The following GPR180 variants were observed in gnomAD, a reference collection of about 807,000 sequenced individuals.
The protein encoded by GPR180 is G protein-coupled receptor 180.
A neutral mutation model predicts 52.6 loss-of-function variants in GPR180; 53 were observed. That is an observed-to-expected ratio of 1.01 (90% CI 0.81 to 1.27). GPR180 has a LOEUF of 1.27. Ranked by LOEUF, GPR180 falls within the 50% of genes most tolerant of loss-of-function variation. The pLI is 0.00. For missense variants in GPR180, 533 were observed against 527.0 expected (o/e 1.01, Z -0.11); for synonymous variants, 200 against 193.1 (o/e 1.04, Z -0.30).
intron 2 of GPR180, among the ~76,000 whole-genome samples, chr13:94,606,755 A>G (rs1889637911): frequency 6.6e-6 from 1 of 152,250 alleles, no homozygotes; most frequent in Admixed American, 6.5e-5. Context: ...TGAAAAGAGC[A>G]GAGGTCCCCA....
chr13:94,616,992 T>C (rs184822496), intron 3 of GPR180, among the ~76,000 whole-genome samples: 8 of 152,328 alleles, frequency 5.3e-5, no homozygotes, highest in Non-Finnish European at 5.9e-5. Flanking sequence ...TAATATGTTA[T>C]GTCAATGAAA....
At position 94,634,626 on chromosome 13, in the gene GPR180, T is replaced by G. The variant is rs1890041070; in HGVS notation, c.*7455T>G. ...AATTCTTCTAACAGTTGTAATAAAT[T>G]TCTGGTTGGCTCTCTTGTGTTTTCT... On this transcript the variant is annotated 3_prime_UTR_variant, in exon 9 of 9. Transcript: ENST00000376958. 1.3e-5 allele frequency: 2 copies of G among 152,294 alleles called. No homozygotes were observed. Among genetic ancestry groups the G allele is most frequent in the Admixed American group, 1.3e-4 (2 of 15,296 alleles). 9.4% of individuals were successfully genotyped at this position (152,294 alleles called of 1,614,324 possible). A position where few individuals can be genotyped will look rare whatever the true frequency, so the allele number is the denominator to read the frequency against.
intron 2 of GPR180, among the ~76,000 whole-genome samples, chr13:94,607,230 C>G (rs547431920): frequency 3.7e-4 from 56 of 150,868 alleles, no homozygotes; most frequent in Middle Eastern, 7.0e-3. Context: ...TTTGCTATTT[C>G]GACAGTCTCC....
At chr13:94,618,419 G>GGTTTTTTTT (rs1566980109) in intron 3 of GPR180, among the ~76,000 whole-genome samples, 1 of 72,978 alleles carries the variant, frequency 1.4e-5, no homozygotes, top group African/African-American at 1.2e-4. Flanking sequence ...ATCAGCACAG[G>GGTTTTTTTT]ATTTTTTTTT....
chr13:94,625,443 AAG>A (rs1205744541), intron 7 of GPR180, among the ~76,000 whole-genome samples: 1 of 152,182 alleles, frequency 6.6e-6, no homozygotes, highest in African/African-American at 2.4e-5. Context: ...AATTTTGGAA[AAG>A]AGAATACATT....
chr13:94,621,476 C>A (rs1889850424), intron 6 of GPR180, among the ~76,000 whole-genome samples: 1 of 151,984 alleles, frequency 6.6e-6, no homozygotes, highest in Non-Finnish European at 1.5e-5. Context: ...TTATAATTTA[C>A]CTGAATTTGA....
chr13:94,627,313 A>C lies in GPR180; in HGVS notation c.*142A>C. 9.3e-6 allele frequency: 6 copies of C among 646,406 alleles called. No homozygotes were observed. The highest frequency in any genetic ancestry group is 1.6e-5 in the Non-Finnish European group (6 of 379,508). 40.0% of individuals were successfully genotyped at this position (646,406 alleles called of 1,614,324 possible). A position where few individuals can be genotyped will look rare whatever the true frequency, so the allele number is the denominator to read the frequency against. ...CATGTTATTTATATAACTGCATTTA[A>C]GCAGTACCAAGACTGAAAAAAAAGG... On this transcript the variant is annotated 3_prime_UTR_variant, in exon 9 of 9. Coordinates refer to ENST00000376958, the MANE Select transcript of GPR180 (RefSeq NM_180989.6).
At chr13:94,604,443 C>T (rs1594470032) in intron 1 of GPR180, among the ~76,000 whole-genome samples, 1 of 151,776 alleles carries the variant, frequency 6.6e-6, no homozygotes, top group East Asian at 1.9e-4. Context: ...GGTGTGGAGG[C>T]GCATGCCTGT....
chr13:94,622,444 T>C (rs1594478291), intron 6 of GPR180, among the ~76,000 whole-genome samples: 1 of 152,330 alleles, frequency 6.6e-6, no homozygotes, highest in Non-Finnish European at 1.5e-5. Flanking sequence ...ATAGCTCTGA[T>C]CTTCAACAAG....
At chr13:94,613,254 G>C (rs561795767) in intron 3 of GPR180, among the ~76,000 whole-genome samples, 1 of 152,264 alleles carries the variant, frequency 6.6e-6, no homozygotes, top group East Asian at 1.9e-4. Context: ...AGAGTGGGGT[G>C]GGTGGAGGTG....
chr13:94,628,140 C>A lies in GPR180; in HGVS notation c.*969C>A, dbSNP rs1458143224. ...AAATTTTCTATGAATAATTGAAAAACAAAACACTCACTGGATTTGTTATAA... is the reference window on the plus strand; with the variant it reads ...AAATTTTCTATGAATAATTGAAAAAAAAAACACTCACTGGATTTGTTATAA... On this transcript the variant is annotated 3_prime_UTR_variant, in exon 9 of 9. Coordinates refer to ENST00000376958, the MANE Select transcript of GPR180 (RefSeq NM_180989.6). 1 of 152,472 alleles carries A rather than the reference C, an allele frequency of 6.6e-6. No individual in the cohort carries two copies. Among genetic ancestry groups the A allele is most frequent in the Non-Finnish European group, 1.5e-5 (1 of 67,912 alleles). 9.4% of individuals were successfully genotyped at this position (152,472 alleles called of 1,614,324 possible).
intron 8 of GPR180, 87 bp downstream of exon 8, chr13:94,626,130 T>TA: frequency 2.4e-6 from 2 of 818,994 alleles, no homozygotes; most frequent in Non-Finnish European, 3.9e-6. Context: ...GACCTATTTA[T>TA]TTTTTAAGAC....
chr13:94,620,953 C>T, intron 5 of GPR180, 125 bp from the exon 6 acceptor site: 8 of 779,048 alleles, frequency 1.0e-5, no homozygotes, highest in Admixed American at 3.3e-5. Context: ...ATTTCGTTAG[C>T]TTCTCTTTGA....
intron 5 of GPR180, among the ~76,000 whole-genome samples, chr13:94,620,766 T>C (rs1436358058): frequency 1.3e-5 from 2 of 152,146 alleles, no homozygotes; most frequent in African/African-American, 4.8e-5. Context: ...TTAGAAAAGC[T>C]AAGAAAAATG....
intron 6 of GPR180, among the ~76,000 whole-genome samples, chr13:94,622,682 TC>T: frequency 6.6e-6 from 1 of 152,328 alleles, no homozygotes; most frequent in South Asian, 2.1e-4. Flanking sequence ...CAAGTGATTC[TC>T]CTACCTCAGC....
At position 94,633,155 on chromosome 13, in the gene GPR180, G is replaced by C. The variant is rs1392952541; in HGVS notation, c.*5984G>C. ...AATTATAGAACCTGAAGGTATTGTGGGGACCCCTGAACTTGCAGCCAGTTG... is the reference window on the plus strand; with the variant it reads ...AATTATAGAACCTGAAGGTATTGTGCGGACCCCTGAACTTGCAGCCAGTTG... On this transcript the variant is annotated 3_prime_UTR_variant, in exon 9 of 9. Coordinates refer to ENST00000376958, the MANE Select transcript of GPR180 (RefSeq NM_180989.6). 6.6e-6 allele frequency: 1 copy of C among 152,096 alleles called. No individual in the cohort carries two copies. The highest frequency in any genetic ancestry group is 1.9e-4 in the East Asian group (1 of 5,180). The allele number at this position is 152,096 out of a possible 1,614,324, so 9.4% of individuals were successfully genotyped here.
At position 94,615,280 on chromosome 13, in the gene GPR180, A is replaced by G. The variant is rs12584015; in HGVS notation, c.505+2890A>G. Among the ~76,000 whole-genome samples, 1,040 of 152,356 alleles carry G rather than the reference A, an allele frequency of 6.8e-3. 30 individuals carry two copies. The East Asian group carries it at 0.08, about 12-fold the overall frequency. ...AATTTGTTTACAGGGAAAATGTTCA[A>G]TTCATTTTAGAAACTTCTGCTAGTT... is the stretch of plus-strand genomic sequence containing the variant. On this transcript the variant is annotated intron_variant, in intron 3 of 8. Coordinates refer to ENST00000376958, the MANE Select transcript of GPR180 (RefSeq NM_180989.6).
At chr13:94,614,333 C>T (rs1337190258) in intron 3 of GPR180, among the ~76,000 whole-genome samples, 2 of 152,334 alleles carry the variant, frequency 1.3e-5, no homozygotes, top group East Asian at 3.9e-4. Context: ...TCCTGCCTTC[C>T]AGGCTGTAGT....
At chr13:94,625,499 C>T (rs2138570392) in intron 7 of GPR180, among the ~76,000 whole-genome samples, 2 of 152,178 alleles carry the variant, frequency 1.3e-5, no homozygotes, top group East Asian at 1.9e-4. Context: ...AAAGTATAAA[C>T]AGTTACCCAT....
Sources: allele counts gnomAD v4.1 joint callset (sites outside exome capture counted in the v4.1 genomes callset), GRCh38; gene constraint gnomAD v4.1.1; transcripts MANE v1.5; gene names NCBI Gene and HGNC (gene_info 2026-07-23, HGNC 2026-07-21).